ADRM1: variants seen among roughly 807,000 people sequenced by gnomAD.
ADRM1 encodes ADRM1 26S proteasome ubiquitin receptor, also known as proteasomal ubiquitin receptor ADRM1.
In ADRM1, 2 loss-of-function variants were observed where a neutral mutation model predicts 40.1. The observed-to-expected ratio is 0.05, with a 90% CI of 0.02 to 0.16. The LOEUF (loss-of-function observed/expected upper bound fraction) is 0.16. Among genes scored for constraint, ADRM1 ranks in the 10% least tolerant of loss-of-function variants. The probability of loss-of-function intolerance (pLI) is 1.00; values close to 1 mark genes in which losing one functional copy is unlikely to be tolerated. For missense variants in ADRM1, 467 were observed against 552.5 expected, an observed-to-expected ratio of 0.85 and a Z score of 1.55; for synonymous variants, 287 against 240.4, an observed-to-expected ratio of 1.19 and a Z score of -1.79.
chr20:62,307,739 C>T lies in ADRM1; in HGVS notation c.767C>T (p.Ala256Val), dbSNP rs1310629147. The change falls in exon 7 of 10, where the codon GCC becomes GTC. Residue 256 changes from alanine to valine, a missense_variant. By Grantham distance (64) the Ala-to-Val change is moderately conservative. This residue lies in a region of ADRM1 where 418 missense variants were observed against 474.6 expected (regional missense o/e 0.88). Coordinates refer to ENST00000253003, the MANE Select transcript of ADRM1 (RefSeq NM_007002.4). ...PSSGNGASTA[A>V]SPTQPIQLSD... ...TCCGGGAATGGAGCCAGCACAGCAG[C>T]CAGCCCGACCCAGCCCATCCAGCTG... 1 of 1,611,940 alleles carries T rather than the reference C, an allele frequency of 6.2e-7. No homozygotes were observed. The highest frequency in any genetic ancestry group is 1.7e-5 in the Admixed American group (1 of 59,970).
Position 62,308,133 on chromosome 20 carries a change from C to T in ADRM1, c.969C>T (p.Thr323=), listed in dbSNP as rs759525992. Residue 323 remains threonine (T), a synonymous_variant, in exon 8 of 10, where the codon ACC becomes ACT. Coordinates refer to ENST00000253003, the MANE Select transcript of ADRM1 (RefSeq NM_007002.4). The part of the protein sequence containing the change: ...YLPSGESLPQ[T]ADEIQNTLTS... ...CATCTGGGGAGTCGCTGCCGCAGAC[C>T]GCGGATGAGATCCAGAATACCCTGA... is the stretch of plus-strand genomic sequence containing the variant. 42 of 1,609,254 alleles carry T rather than the reference C, an allele frequency of 2.6e-5. No individual in the cohort carries two copies. Among genetic ancestry groups the T allele is most frequent in the Middle Eastern group, 3.3e-4 (2 of 6,082 alleles).
chr20:62,306,523 C>T, intron 4 of ADRM1, 125 bp from the exon 5 acceptor site: 2 of 1,293,146 alleles, frequency 1.5e-6, no homozygotes, highest in Non-Finnish European at 2.2e-6. Context: ...CGCCTCACTT[C>T]AAGTGGTGCC....
rs1568880783 is a variant in ADRM1 at position 62,308,853 on chromosome 20, T to C, written c.*92T>C. 2.6e-6 allele frequency: 4 copies of C among 1,518,266 alleles called. No homozygotes were observed. The highest frequency in any genetic ancestry group is 1.4e-5 in the African/African-American group (1 of 71,516). 94.0% of individuals were successfully genotyped at this position (1,518,266 alleles called of 1,614,324 possible). On this transcript the variant is annotated 3_prime_UTR_variant, in exon 10 of 10. Transcript: ENST00000253003. ...TGATTATTAATAAAGTCTTTTCTTT[T>C]ACCTGCCAATGCTTAGTTTCTTTGC...
chr20:62,303,860 G>A, intron 2 of ADRM1, 79 bp downstream of exon 2: 3 of 1,444,922 alleles, frequency 2.1e-6, no homozygotes, highest in Non-Finnish European at 2.8e-6. Flanking sequence ...TTCGCGGTGG[G>A]GGCTTGGCCG....
At chr20:62,303,468 G>A in intron 1 of ADRM1, 100 bp from the exon 2 acceptor site, 1 of 1,255,520 alleles carries the variant, frequency 8.0e-7, no homozygotes, top group Non-Finnish European at 1.1e-6. Flanking sequence ...GGCAGCTCTG[G>A]GCGCAGGCCC....
intron 1 of ADRM1, 124 bp from the exon 2 acceptor site, chr20:62,303,444 C>A: frequency 1.0e-6 from 1 of 973,914 alleles, no homozygotes; most frequent in Non-Finnish European, 1.5e-6. Flanking sequence ...CCCGGCGTGT[C>A]TGAGTCTGCC....
rs189719197 is a variant in ADRM1 at position 62,306,790 on chromosome 20, C to T, written c.541+56C>T. 1,523 of 1,462,486 alleles carry T rather than the reference C, an allele frequency of 1.0e-3. 16 individuals carry two copies. In the African/African-American group the frequency reaches 0.017, roughly 16 times the overall value. 90.6% of individuals were successfully genotyped at this position (1,462,486 alleles called of 1,614,324 possible). A position where few individuals can be genotyped will look rare whatever the true frequency, so the allele number is the denominator to read the frequency against. On this transcript the variant is annotated intron_variant, in intron 5 of 9. Coordinates refer to ENST00000253003, the MANE Select transcript of ADRM1 (RefSeq NM_007002.4). ...CTTCTGCTGGGAATGCTTTGAGGCC[C>T]GGTCTCTGTTTCCTTTAAACTTCTG...
chr20:62,307,706 C>A lies in ADRM1; in HGVS notation c.734C>A (p.Ala245Glu), dbSNP rs200789814. The change falls in exon 7 of 10, where the codon GCG (alanine) becomes GAG (glutamate). Residue 245 changes from alanine to glutamate, a missense_variant. This residue lies in a region of ADRM1 where 418 missense variants were observed against 474.6 expected (regional missense o/e 0.88). Transcript: ENST00000253003. ...GCCTCAGCAACTAGCCCGAGCCCCG[C>A]GCCCAGTTCCGGGAATGGAGCCAGC... ...AAASATSPSP[A>E]PSSGNGASTA... is the part of the protein sequence containing the mutation. The A allele has an allele frequency of 4.3e-6, 7 of 1,612,024 alleles. No individual in the cohort carries two copies. The highest frequency in any genetic ancestry group is 1.3e-5 in the African/African-American group (1 of 74,918).
At position 62,307,515 on chromosome 20, in the gene ADRM1, C is replaced by G. The variant is rs572350738; in HGVS notation, c.623+63C>G. 6 of 1,599,230 alleles carry G rather than the reference C, an allele frequency of 3.8e-6. No homozygotes were observed. In the South Asian group the frequency reaches 4.4e-5, roughly 12 times the overall value. ...GTTAAGGGAGGGGCAGTGGGGAATC[C>G]TGGCCCAGCACCCTGGACCCTGCGA... is the stretch of plus-strand genomic sequence containing the variant. On this transcript the variant is annotated intron_variant, in intron 6 of 9. Coordinates refer to ENST00000253003, the MANE Select transcript of ADRM1 (RefSeq NM_007002.4).
chr20:62,308,341 T>C (rs1351300755), intron 8 of ADRM1, 27 bp from the exon 9 acceptor site: 2 of 1,575,082 alleles, frequency 1.3e-6, no homozygotes, highest in East Asian at 2.3e-5. Flanking sequence ...GGGTTGGAGC[T>C]CAGCCCTCGC....
intron 1 of ADRM1, chr20:62,303,262 G>T (rs1984372253): frequency 4.4e-6 from 1 of 228,154 alleles, no homozygotes; most frequent in Non-Finnish European, 8.5e-6. Flanking sequence ...GCGGGAGCTC[G>T]GGCGGGTCTG....
Position 62,304,525 on chromosome 20 carries a change from T to C in ADRM1, c.278T>C (p.Val93Ala). The C allele has an allele frequency of 6.2e-7, 1 of 1,613,902 alleles. No individual in the cohort carries two copies. The highest frequency in any genetic ancestry group is 8.5e-7 in the Non-Finnish European group (1 of 1,179,970). ...KRVPQCPSGRVYVLKFKAGSK... is the reference protein window; with the variant it reads ...KRVPQCPSGRAYVLKFKAGSK... Reference sequence around the variant, plus strand: ...GTGCCGCAGTGCCCCAGCGGGAGGGTCTACGTGCTGAAGTTCAAGGCAGGG... The same window carrying C: ...GTGCCGCAGTGCCCCAGCGGGAGGGCCTACGTGCTGAAGTTCAAGGCAGGG... Residue 93 changes from valine (V) to alanine (A), a missense_variant, in exon 3 of 10, where the codon GTC (valine) becomes GCC (alanine). Val to Ala is a moderately conservative substitution (Grantham distance 64). Coordinates refer to ENST00000253003, the MANE Select transcript of ADRM1 (RefSeq NM_007002.4).
intron 5 of ADRM1, among the ~76,000 whole-genome samples, chr20:62,307,105 T>G (rs1341267555): frequency 1.3e-5 from 2 of 152,294 alleles, no homozygotes; most frequent in African/African-American, 4.8e-5. Flanking sequence ...GAAATGCTTG[T>G]CCCTTTGGGT....
Position 62,308,114 on chromosome 20 carries a change from G to T in ADRM1, c.950G>T (p.Gly317Val). 6.2e-7 allele frequency: 1 copy of T among 1,610,952 alleles called. No individual in the cohort carries two copies. The highest frequency in any genetic ancestry group is 8.5e-7 in the Non-Finnish European group (1 of 1,179,876). Residue 317 changes from glycine to valine, a missense_variant, in exon 8 of 10, where the codon GGG becomes GTG. This residue lies in a region of ADRM1 where 418 missense variants were observed against 474.6 expected (regional missense o/e 0.88). Coordinates refer to ENST00000253003, the MANE Select transcript of ADRM1 (RefSeq NM_007002.4). Reference protein sequence around the residue: ...QERLLPYLPSGESLPQTADEI... With the variant: ...QERLLPYLPSVESLPQTADEI... ...CGCCTGCTTCCCTACTTGCCATCTGGGGAGTCGCTGCCGCAGACCGCGGAT... is the reference window on the plus strand; with the variant it reads ...CGCCTGCTTCCCTACTTGCCATCTGTGGAGTCGCTGCCGCAGACCGCGGAT...
chr20:62,304,690 C>G (rs540128306), intron 3 of ADRM1, 113 bp downstream of exon 3: 5 of 1,008,204 alleles, frequency 5.0e-6, no homozygotes, highest in African/African-American at 1.6e-5. Flanking sequence ...CGGCCACACC[C>G]GGCCACACGG....
rs1327929989 is a variant in ADRM1, at chr20:62,307,751, A to T, written c.779A>T (p.Gln260Leu). The part of the protein sequence containing the change: ...NGASTAASPT[Q>L]PIQLSDLQSI... Reference sequence around the variant, plus strand: ...GCCAGCACAGCAGCCAGCCCGACCCAGCCCATCCAGCTGAGCGACCTCCAG... The same window carrying T: ...GCCAGCACAGCAGCCAGCCCGACCCTGCCCATCCAGCTGAGCGACCTCCAG... The change falls in exon 7 of 10, where the codon CAG becomes CTG. Residue 260 changes from glutamine (Q) to leucine (L), a missense_variant. Coordinates refer to ENST00000253003, the MANE Select transcript of ADRM1 (RefSeq NM_007002.4). 6.2e-7 allele frequency: 1 copy of T among 1,612,020 alleles called. No individual in the cohort carries two copies. Among genetic ancestry groups the T allele is most frequent in the Non-Finnish European group, 8.5e-7 (1 of 1,179,782 alleles).
At chr20:62,303,500 G>T in intron 1 of ADRM1, 68 bp from the exon 2 acceptor site, 2 of 1,485,774 alleles carry the variant, frequency 1.3e-6, no homozygotes, top group East Asian at 4.5e-5. Flanking sequence ...ACACCCCAGG[G>T]GGCGGGAGCT....
intron 9 of ADRM1, 81 bp from the exon 10 acceptor site, chr20:62,308,574 C>T: frequency 1.9e-6 from 3 of 1,575,214 alleles, no homozygotes; most frequent in South Asian, 2.3e-5. Flanking sequence ...GGTCACAGCC[C>T]TTCTGCCCTT....
rs1375349899 is a variant in ADRM1, at chr20:62,306,726, G to A, written c.533G>A (p.Gly178Glu). The A allele has an allele frequency of 1.2e-6, 2 of 1,606,868 alleles. No homozygotes were observed. Among genetic ancestry groups the A allele is most frequent in the Non-Finnish European group, 8.5e-7 (1 of 1,176,654 alleles). Residue 178 changes from glycine (G) to glutamate (E), a missense_variant, in exon 5 of 10, where the codon GGA becomes GAA. Physicochemically the swap from Gly to Glu is moderately conservative, Grantham distance 98 (BLOSUM62 -2). Coordinates refer to ENST00000253003, the MANE Select transcript of ADRM1 (RefSeq NM_007002.4). ...LMQLIGPAGL[G>E]GLGGLGALTG... is the part of the protein sequence containing the mutation. ...CAGCTCATCGGACCAGCCGGCCTTGGAGGACTGGGTAACGTGCGCCACCCG... is the reference window on the plus strand; with the variant it reads ...CAGCTCATCGGACCAGCCGGCCTTGAAGGACTGGGTAACGTGCGCCACCCG...
Sources: gnomAD v4.1 joint callset for allele counts (sites outside exome capture counted in the v4.1 genomes callset) on GRCh38, gnomAD v4.1.1 for gene constraint, gnomAD v4.1.1 regional missense constraint, MANE v1.5 for transcripts, NCBI Gene and HGNC (gene_info 2026-07-23, HGNC 2026-07-21) for gene names.